The following RTTN variants were observed in gnomAD, a reference collection of about 807,000 sequenced individuals.
RTTN encodes rotatin.
Under a neutral mutation model 269.2 loss-of-function variants are expected in RTTN, and 182 were observed. The ratio of observed to expected loss-of-function variants is 0.68; its 90% CI spans 0.60 to 0.76. RTTN has a LOEUF of 0.76. RTTN is among the 30% of genes least tolerant of loss of function. The pLI is 0.00. For synonymous variants in RTTN, 1,006 were observed against 963.5 expected, an observed-to-expected ratio of 1.04 and a Z score of -0.82; for missense variants, 2,545 against 2,608.6, an observed-to-expected ratio of 0.98 and a Z score of 0.53.
intron 27 of RTTN, 71 bp downstream of exon 27, chr18:70,114,374 A>C: frequency 7.3e-7 from 1 of 1,374,462 alleles, no homozygotes; most frequent in Non-Finnish European, 1.0e-6. Flanking sequence ...GTACAAAGTA[A>C]AACTTTGAAA....
rs541211966 is a variant in RTTN, at chr18:70,165,436, G to C, written c.1929+626C>G. Among the ~76,000 whole-genome samples the C allele has an allele frequency of 2.9e-3, 436 of 151,886 alleles. 1 individual carries two copies. The highest frequency in any genetic ancestry group is 5.0e-3 in the Non-Finnish European group (342 of 67,900). Reference sequence around the variant, plus strand: ...AGCAAAGAAGCTTCCTCTATAACTAGTATTTTTCTTTGAATAAAAATGAAT... The same window carrying C: ...AGCAAAGAAGCTTCCTCTATAACTACTATTTTTCTTTGAATAAAAATGAAT... On this transcript the variant is annotated intron_variant, in intron 14 of 48. Coordinates refer to ENST00000640769, the MANE Select transcript of RTTN (RefSeq NM_173630.4).
chr18:70,167,074 T>C (rs781243322), intron 12 of RTTN, 43 bp from the exon 13 acceptor site: 1 of 1,280,714 alleles, frequency 7.8e-7, no homozygotes, highest in Admixed American at 1.7e-5. Flanking sequence ...CAAGTTCATG[T>C]GCAATGATAT....
chr18:70,193,307 A>G lies in RTTN; in HGVS notation c.988T>C (p.Trp330Arg), dbSNP rs372237142. 1.9e-6 allele frequency: 3 copies of G among 1,610,832 alleles called. No individual in the cohort carries two copies. The African/African-American group carries it at 4.0e-5, about 22-fold the overall frequency. The stretch of plus-strand genomic sequence containing the variant: ...AGTCACCTAGAGGACGCTGCATCCC[A>G]GTCCTGGCCATCTCCTCTGGGTCGC... ...GQRPRGDGQD[W>R]DAASSSGSSS... The change falls in exon 8 of 49, where the codon TGG (tryptophan) becomes CGG (arginine). Residue 330 changes from tryptophan (W) to arginine (R), a missense_variant. By Grantham distance (101) the Trp-to-Arg change is moderately radical. Transcript: ENST00000640769.
chr18:70,117,223 C>A (rs1243123480), intron 26 of RTTN, among the ~76,000 whole-genome samples: 1 of 152,008 alleles, frequency 6.6e-6, no homozygotes, highest in African/African-American at 2.4e-5. Context: ...TTTTGTATAT[C>A]TTTTCATGTA....
chr18:70,049,434 C>T (rs2057590763), intron 39 of RTTN, among the ~76,000 whole-genome samples: 1 of 152,132 alleles, frequency 6.6e-6, no homozygotes, highest in Non-Finnish European at 1.5e-5. Context: ...CCTACGTGGA[C>T]ACTGTACTCC....
chr18:70,131,212 C>T (rs978191096), intron 23 of RTTN: 1 of 144,978 alleles, frequency 6.9e-6, no homozygotes, highest in Middle Eastern at 3.7e-3. Context: ...TAATAAAAAA[C>T]TCTTAAAAAA....
chr18:70,003,482 T>C lies in RTTN; in HGVS notation c.*669A>G, dbSNP rs1007499723. The C allele has an allele frequency of 2.6e-5, 4 of 152,230 alleles. 1 individual carries two copies. Among genetic ancestry groups the C allele is most frequent in the African/African-American group, 9.6e-5 (4 of 41,452 alleles). The allele number at this position is 152,230 out of a possible 1,614,324, so 9.4% of individuals were successfully genotyped here. ...AGAAGACAACGGTGAAGATTATACA[T>C]GTAATGATTTAAGAGTCATCTAGGA... On this transcript the variant is annotated 3_prime_UTR_variant, in exon 49 of 49. Coordinates refer to ENST00000640769, the MANE Select transcript of RTTN (RefSeq NM_173630.4).
chr18:70,044,802 G>A (rs538516965), intron 40 of RTTN, among the ~76,000 whole-genome samples: 1 of 152,280 alleles, frequency 6.6e-6, no homozygotes, highest in Admixed American at 6.5e-5. Context: ...GACATAGCAT[G>A]ATTCACGTCC....
chr18:70,104,215 C>G (rs942824622), intron 28 of RTTN, among the ~76,000 whole-genome samples: 2 of 152,158 alleles, frequency 1.3e-5, no homozygotes, highest in African/African-American at 4.8e-5. Flanking sequence ...CTAAACTTCT[C>G]TTCTCGCTTC....
chr18:70,148,752 G>T, intron 17 of RTTN, 149 bp downstream of exon 17: 1 of 841,610 alleles, frequency 1.2e-6, no homozygotes. Context: ...CCTTGTATCT[G>T]CTTAGTTTCA....
chr18:70,017,602 T>G lies in RTTN; in HGVS notation c.6226A>C (p.Ile2076Leu). 1 of 1,613,876 alleles carries G rather than the reference T, an allele frequency of 6.2e-7. No individual in the cohort carries two copies. Among genetic ancestry groups the G allele is most frequent in the Non-Finnish European group, 8.5e-7 (1 of 1,179,798 alleles). ...GGNKHLSNLT[I>L]LWLKLLLNIS... ...TTCAGGAGTAACTTCAACCAAAGAA[T>G]AGTCAGATTACTTAGATGTTTATTT... is the stretch of plus-strand genomic sequence containing the variant. Residue 2076 changes from isoleucine (I) to leucine (L), a missense_variant, in exon 46 of 49, where the codon ATT becomes CTT. Transcript: ENST00000640769.
At chr18:70,034,261 A>T (rs1010840875) in intron 40 of RTTN, among the ~76,000 whole-genome samples, 19 of 152,014 alleles carry the variant, frequency 1.2e-4, no homozygotes, top group Admixed American at 1.1e-3. Context: ...AACAAAAAAA[A>T]GGGTCAATAT....
chr18:70,176,861 C>T lies in RTTN; in HGVS notation c.1306-16G>A, dbSNP rs377028136. ...GTTTCTCCTTCTGAAAACATTTACA[C>T]AACATGAAACAGAAGAAAACAACCA... On this transcript the variant is annotated splice_polypyrimidine_tract_variant and intron_variant, in intron 10 of 48. Transcript: ENST00000640769. 6.2e-7 allele frequency: 1 copy of T among 1,601,806 alleles called. No homozygotes were observed. Among genetic ancestry groups the T allele is most frequent in the Non-Finnish European group, 8.5e-7 (1 of 1,173,930 alleles).
intron 26 of RTTN, among the ~76,000 whole-genome samples, chr18:70,115,139 T>C (rs1423035549): frequency 6.6e-6 from 1 of 152,098 alleles, no homozygotes; most frequent in Non-Finnish European, 1.5e-5. Flanking sequence ...TTGGATTTTA[T>C]CTTATGTATG....
chr18:70,162,886 G>GAAAAAAAAAAAAAAAAAAA (rs5825997), intron 14 of RTTN, among the ~76,000 whole-genome samples: 1 of 50,196 alleles, frequency 2.0e-5, no homozygotes, highest in African/African-American at 7.7e-5. Flanking sequence ...AATAAAAGTT[G>GAAAAAAAAAAAAAAAAAAA]AAAAAAAAAA....
At chr18:70,142,247 T>C (rs761759774) in intron 19 of RTTN, 41 bp downstream of exon 19, 1 of 1,264,546 alleles carries the variant, frequency 7.9e-7, no homozygotes, top group Non-Finnish European at 1.2e-6. Flanking sequence ...TAAAATTCTA[T>C]TATCAGCAGT....
At chr18:70,075,163 A>C (rs1172298826) in intron 33 of RTTN, 189 bp downstream of exon 33, 7 of 454,566 alleles carry the variant, frequency 1.5e-5, no homozygotes, top group Admixed American at 9.0e-5. Flanking sequence ...ATAATTACAT[A>C]AAACAAACAA....
chr18:70,013,808 G>A (rs1013717760), intron 46 of RTTN, among the ~76,000 whole-genome samples: 10 of 152,044 alleles, frequency 6.6e-5, no homozygotes, highest in Admixed American at 6.6e-4. Flanking sequence ...AGTTCTTAAA[G>A]TTTTTACCCA....
chr18:70,119,752 T>TA (rs1355724856), intron 26 of RTTN, among the ~76,000 whole-genome samples: 1 of 152,230 alleles, frequency 6.6e-6, no homozygotes, highest in Non-Finnish European at 1.5e-5. Flanking sequence ...ACCTTGAAAG[T>TA]AATACATGGT....
Sources: gnomAD v4.1 joint callset for allele counts (sites outside exome capture counted in the v4.1 genomes callset) on GRCh38, gnomAD v4.1.1 for gene constraint, MANE v1.5 for transcripts, NCBI Gene and HGNC (gene_info 2026-07-23, HGNC 2026-07-21) for gene names.